Variants in NCAM2 observed in about 807,000 individuals in gnomAD.
The protein encoded by NCAM2 is neural cell adhesion molecule 2.
In NCAM2, 30 loss-of-function variants were observed where a neutral mutation model predicts 98.1. That is an observed-to-expected ratio of 0.31 (90% CI 0.23 to 0.41). The LOEUF (loss-of-function observed/expected upper bound fraction) is 0.41. Among genes scored for constraint, NCAM2 ranks in the 10% least tolerant of loss-of-function variants. The probability of loss-of-function intolerance (pLI) is 1.00; values close to 1 mark genes in which losing one functional copy is unlikely to be tolerated. For missense variants in NCAM2, 867 were observed against 1,005.8 expected (o/e 0.86, Z 1.87); for synonymous variants, 368 against 342.4 (o/e 1.07, Z -0.83).
At chr21:21,203,429 C>T (rs1241307041) in intron 1 of NCAM2, among the ~76,000 whole-genome samples, 1 of 152,038 alleles carries the variant, frequency 6.6e-6, no homozygotes, top group African/African-American at 2.4e-5. Flanking sequence ...CTTTCCACAC[C>T]TGGATTTAAT....
chr21:21,000,597 A>C (rs1409830511), intron 1 of NCAM2, among the ~76,000 whole-genome samples: 1 of 152,198 alleles, frequency 6.6e-6, no homozygotes, highest in East Asian at 1.9e-4. Context: ...GCATCTCTGA[A>C]GGGGAGCCCA....
At chr21:21,479,740 A>G (rs1985656525) in intron 15 of NCAM2, among the ~76,000 whole-genome samples, 1 of 149,526 alleles carries the variant, frequency 6.7e-6, no homozygotes, top group African/African-American at 2.5e-5. Context: ...CTATATATAT[A>G]TATTTTTCAA....
intron 1 of NCAM2, among the ~76,000 whole-genome samples, chr21:21,236,745 A>C (rs1186937788): frequency 8.6e-6 from 1 of 116,802 alleles, no homozygotes; most frequent in African/African-American, 3.2e-5. Context: ...TTCTCAGAGA[A>C]ATCAGTACAT....
At chr21:21,150,634 A>G (rs1027757278) in intron 1 of NCAM2, among the ~76,000 whole-genome samples, 3 of 151,868 alleles carry the variant, frequency 2.0e-5, no homozygotes, top group African/African-American at 7.3e-5. Flanking sequence ...GATAACTTCC[A>G]TTGTTTGATT....
chr21:21,095,538 A>G (rs1022418733), intron 1 of NCAM2, among the ~76,000 whole-genome samples: 6 of 151,578 alleles, frequency 4.0e-5, no homozygotes, highest in African/African-American at 1.4e-4. Context: ...GATGAACTGC[A>G]TGTCCAAAAA....
chr21:21,202,227 A>G lies in NCAM2; in HGVS notation c.56-78351A>G, dbSNP rs186822376. ...TTAATCTGTGCTTCAGTTTACCACC[A>G]TATAAATCTGGTGATAATAATTGTA... On this transcript the variant is annotated intron_variant, in intron 1 of 17. Coordinates refer to ENST00000400546, the MANE Select transcript of NCAM2 (RefSeq NM_004540.5). 5.4e-3 allele frequency among the ~76,000 whole-genome samples: 815 copies of G among 152,206 alleles called. 2 individuals carry two copies. The highest frequency in any genetic ancestry group is 9.4e-3 in the Non-Finnish European group (637 of 68,006).
intron 1 of NCAM2, among the ~76,000 whole-genome samples, chr21:21,066,413 C>CAT (rs140601622): frequency 3.3e-5 from 5 of 150,650 alleles, no homozygotes; most frequent in African/African-American, 9.7e-5. Flanking sequence ...TTTTTTATAA[C>CAT]ATATACACAC....
At chr21:21,276,980 C>T (rs1208679094) in intron 1 of NCAM2, among the ~76,000 whole-genome samples, 1 of 151,924 alleles carries the variant, frequency 6.6e-6, no homozygotes, top group South Asian at 2.1e-4. Context: ...TTAAGATCAA[C>T]AAATCAGTAT....
chr21:21,344,342 G>T (rs2075130507), intron 8 of NCAM2, among the ~76,000 whole-genome samples: 1 of 152,102 alleles, frequency 6.6e-6, no homozygotes, highest in African/African-American at 2.4e-5. Context: ...GGGTCGTAGG[G>T]TCTGCCAATC....
intron 6 of NCAM2, among the ~76,000 whole-genome samples, chr21:21,334,898 GA>G (rs1301816494): frequency 1.3e-5 from 2 of 151,870 alleles, no homozygotes; most frequent in Admixed American, 1.3e-4. Context: ...GGACTAAGAG[GA>G]AACAGAAAAA....
intron 1 of NCAM2, among the ~76,000 whole-genome samples, chr21:21,152,887 C>A (rs1464546685): frequency 6.6e-6 from 1 of 151,952 alleles, no homozygotes; most frequent in East Asian, 1.9e-4. Flanking sequence ...AATAATCTGA[C>A]ATAAACTTTA....
chr21:21,101,677 C>A (rs1287064648), intron 1 of NCAM2, among the ~76,000 whole-genome samples: 1 of 151,910 alleles, frequency 6.6e-6, no homozygotes, highest in Non-Finnish European at 1.5e-5. Flanking sequence ...TTAAATGTAA[C>A]CATTTCTCAA....
intron 2 of NCAM2, among the ~76,000 whole-genome samples, chr21:21,283,327 T>A (rs553620459): frequency 2.6e-5 from 4 of 152,070 alleles, no homozygotes; most frequent in South Asian, 2.1e-4. Context: ...TACTTTTGAG[T>A]TAATAGTGTC....
chr21:21,481,887 C>T (rs748563282), intron 15 of NCAM2, among the ~76,000 whole-genome samples: 1 of 152,108 alleles, frequency 6.6e-6, no homozygotes, highest in Non-Finnish European at 1.5e-5. Flanking sequence ...GTGACAAGGT[C>T]GGGAGTTTGA....
intron 1 of NCAM2, among the ~76,000 whole-genome samples, chr21:21,107,299 C>T (rs1232988780): frequency 6.6e-6 from 1 of 151,868 alleles, no homozygotes; most frequent in Non-Finnish European, 1.5e-5. Flanking sequence ...CTGTCCAGCA[C>T]TATAGATCTA....
intron 1 of NCAM2, among the ~76,000 whole-genome samples, chr21:21,115,328 C>T (rs914081387): frequency 6.6e-6 from 1 of 152,062 alleles, no homozygotes; most frequent in Non-Finnish European, 1.5e-5. Flanking sequence ...TGCTAAGCCA[C>T]CATTTAGAAT....
intron 1 of NCAM2, among the ~76,000 whole-genome samples, chr21:21,005,666 G>C (rs2064097377): frequency 6.6e-6 from 1 of 151,734 alleles, no homozygotes; most frequent in South Asian, 2.1e-4. Context: ...GGAATTTTGG[G>C]TAAAATCTCA....
intron 12 of NCAM2, among the ~76,000 whole-genome samples, chr21:21,451,539 A>T (rs983006350): frequency 1.3e-5 from 2 of 152,180 alleles, no homozygotes; most frequent in Admixed American, 6.6e-5. Context: ...GTAAAATTAA[A>T]ATAGTAGTTT....
At chr21:21,362,288 T>G (rs1167598536) in intron 8 of NCAM2, among the ~76,000 whole-genome samples, 1 of 152,214 alleles carries the variant, frequency 6.6e-6, no homozygotes, top group African/African-American at 2.4e-5. Flanking sequence ...TCAAAAGCCT[T>G]TAATAGTCTC....
Sources: gnomAD v4.1 joint callset for allele counts (sites outside exome capture counted in the v4.1 genomes callset) on GRCh38, gnomAD v4.1.1 for gene constraint, MANE v1.5 for transcripts, NCBI Gene and HGNC (gene_info 2026-07-23, HGNC 2026-07-21) for gene names.